The following CNKSR3 variants were observed in gnomAD, a reference collection of about 807,000 sequenced individuals.
CNKSR3 encodes CNKSR family member 3, also known as connector enhancer of kinase suppressor of ras 3.
In CNKSR3, 36 loss-of-function variants were observed where a neutral mutation model predicts 67.7. That is an observed-to-expected ratio of 0.53 (90% CI 0.41 to 0.70). The LOEUF (loss-of-function observed/expected upper bound fraction) is 0.70, where lower values mean the gene tolerates loss of function less well. CNKSR3 is among the 30% of genes least tolerant of loss of function. CNKSR3 has a pLI of 0.00. For missense variants in CNKSR3, 630 were observed against 695.2 expected, an observed-to-expected ratio of 0.91 and a Z score of 1.05; for synonymous variants, 281 against 271.4, an observed-to-expected ratio of 1.04 and a Z score of -0.35.
At chr6:154,470,331 A>G (rs1220630984) in intron 1 of CNKSR3, among the ~76,000 whole-genome samples, 1 of 150,784 alleles carries the variant, frequency 6.6e-6, no homozygotes, top group Non-Finnish European at 1.5e-5. Context: ...CCTCCCAAGT[A>G]GCTGGGACTA....
At position 154,414,263 on chromosome 6, in the gene CNKSR3, G is replaced by C. The variant is rs574503226; in HGVS notation, c.1070+36C>G. On this transcript the variant is annotated intron_variant, in intron 10 of 12. Transcript: ENST00000607772. Reference sequence around the variant, plus strand: ...CACCATTTACAAATGACACCAACAGGAGACAAGCATACCATGACAATGGAC... The same window carrying C: ...CACCATTTACAAATGACACCAACAGCAGACAAGCATACCATGACAATGGAC... 2.6e-6 allele frequency: 4 copies of C among 1,539,712 alleles called. No individual in the cohort carries two copies. The East Asian group carries it at 6.8e-5, about 26-fold the overall frequency.
At chr6:154,500,288 C>CAT (rs1554238867) in intron 1 of CNKSR3, among the ~76,000 whole-genome samples, 28 of 151,276 alleles carry the variant, frequency 1.9e-4, no homozygotes, top group African/African-American at 5.8e-4. Flanking sequence ...CACACACACA[C>CAT]ATCCACTCCC....
chr6:154,437,334 A>G (rs1785491377), intron 4 of CNKSR3, among the ~76,000 whole-genome samples: 1 of 151,316 alleles, frequency 6.6e-6, no homozygotes, highest in South Asian at 2.1e-4. Context: ...TCATTTATCA[A>G]GTTTGTAATT....
chr6:154,464,634 T>C (rs1786153902), intron 1 of CNKSR3, among the ~76,000 whole-genome samples: 1 of 151,114 alleles, frequency 6.6e-6, no homozygotes, highest in African/African-American at 2.4e-5. Flanking sequence ...GGGAATCGCT[T>C]GAACCCGAGA....
chr6:154,489,665 T>C (rs115154297), intron 1 of CNKSR3, among the ~76,000 whole-genome samples: 1,942 of 152,228 alleles, frequency 0.013, 43 homozygotes, highest in African/African-American at 0.041. Context: ...CTGGATTATA[T>C]TGTTTATCTT....
intron 2 of CNKSR3, among the ~76,000 whole-genome samples, chr6:154,444,889 A>C (rs939833083): frequency 1.3e-5 from 2 of 152,098 alleles, no homozygotes; most frequent in East Asian, 3.9e-4. Flanking sequence ...ACAGGCATGA[A>C]CCACTGCACC....
At chr6:154,504,657 G>C (rs1787062078) in intron 1 of CNKSR3, among the ~76,000 whole-genome samples, 1 of 148,794 alleles carries the variant, frequency 6.7e-6, no homozygotes, top group South Asian at 2.1e-4. Context: ...CTCTGCTTCA[G>C]TTTCTTTAAT....
At chr6:154,495,147 G>A (rs186030227) in intron 1 of CNKSR3, among the ~76,000 whole-genome samples, 63 of 152,274 alleles carry the variant, frequency 4.1e-4, no homozygotes, top group African/African-American at 1.4e-3. Flanking sequence ...CAGGCTGCAT[G>A]ATATTTGCAC....
intron 1 of CNKSR3, among the ~76,000 whole-genome samples, chr6:154,484,146 C>T (rs77958514): frequency 0.031 from 4,648 of 152,276 alleles, 218 homozygotes; most frequent in African/African-American, 0.096. Flanking sequence ...GACAAAATAA[C>T]TTATTCACAC....
chr6:154,407,895 A>AAAC (rs1554230757), intron 12 of CNKSR3, among the ~76,000 whole-genome samples: 1 of 147,560 alleles, frequency 6.8e-6, no homozygotes, highest in Non-Finnish European at 1.5e-5. Context: ...AAAAAAAAAA[A>AAAC]CCTAAATTTC....
chr6:154,411,184 T>C (rs1364125859), intron 10 of CNKSR3, 42 bp from the exon 11 acceptor site: 2 of 1,425,020 alleles, frequency 1.4e-6, no homozygotes, highest in African/African-American at 1.4e-5. Flanking sequence ...TTTACAAAGA[T>C]GTTCTCATAC....
chr6:154,476,049 G>A (rs1424277495), intron 1 of CNKSR3, among the ~76,000 whole-genome samples: 1 of 151,880 alleles, frequency 6.6e-6, no homozygotes, highest in Non-Finnish European at 1.5e-5. Flanking sequence ...GGATATGGAT[G>A]GTTCAGCGTT....
At chr6:154,492,531 A>G (rs990331857) in intron 1 of CNKSR3, among the ~76,000 whole-genome samples, 4 of 152,124 alleles carry the variant, frequency 2.6e-5, no homozygotes, top group Non-Finnish European at 5.9e-5. Context: ...TCACTTGATG[A>G]GGTCAGGAGT....
Position 154,387,811 on chromosome 6 carries a change from T to C in CNKSR3, c.*18543A>G, listed in dbSNP as rs1472665173. On this transcript the variant is annotated 3_prime_UTR_variant, in exon 13 of 13. Coordinates refer to ENST00000607772, the MANE Select transcript of CNKSR3 (RefSeq NM_173515.4). ...GTTCTATCATCAAATGTATTATGCA[T>C]TTATTTTTTATCATTTGAAATAATA... 6.6e-6 allele frequency: 1 copy of C among 152,220 alleles called. No homozygotes were observed. Among genetic ancestry groups the C allele is most frequent in the Non-Finnish European group, 1.5e-5 (1 of 68,042 alleles). The allele number at this position is 152,220 out of a possible 1,614,324, so 9.4% of individuals were successfully genotyped here. A position where few individuals can be genotyped will look rare whatever the true frequency, so the allele number is the denominator to read the frequency against.
chr6:154,422,453 C>A, intron 9 of CNKSR3, 53 bp downstream of exon 9: 1 of 1,544,318 alleles, frequency 6.5e-7, no homozygotes, highest in Non-Finnish European at 8.9e-7. Flanking sequence ...TGTTTGGAGA[C>A]TAATGAGATA....
In CNKSR3 at chr6:154,509,277, A is replaced by C. The variant is rs577057136; in HGVS notation, c.52+786T>G. Among the ~76,000 whole-genome samples the C allele has an allele frequency of 1.8e-4, 27 of 151,688 alleles. 1 individual carries two copies. In the East Asian group the frequency reaches 5.2e-3, roughly 29 times the overall value. ...AAGTAAGCGAGCCAGCTAGGAGGAC[A>C]AGCTTCTACCTCTGCTCATTCCCCC... On this transcript the variant is annotated intron_variant, in intron 1 of 12. Transcript: ENST00000607772.
intron 1 of CNKSR3, among the ~76,000 whole-genome samples, chr6:154,454,690 T>G (rs2128719879): frequency 6.6e-6 from 1 of 151,748 alleles, no homozygotes; most frequent in Admixed American, 6.6e-5. Context: ...CCCAACTAAT[T>G]TTTCATTTTT....
At position 154,401,200 on chromosome 6, in the gene CNKSR3, A is replaced by G. The variant is rs1181079722; in HGVS notation, c.*5154T>C. On this transcript the variant is annotated 3_prime_UTR_variant, in exon 13 of 13. Transcript: ENST00000607772. ...GCATGTTTATGTCCTCCCAAAATTC[A>G]TCTGTTGAAACCCTAATCTCCAAAG... is the stretch of plus-strand genomic sequence containing the variant. The G allele has an allele frequency of 6.6e-6, 1 of 152,208 alleles. No individual in the cohort carries two copies. Among genetic ancestry groups the G allele is most frequent in the Non-Finnish European group, 1.5e-5 (1 of 68,030 alleles). The allele number at this position is 152,208 out of a possible 1,614,324, so 9.4% of individuals were successfully genotyped here. A position where few individuals can be genotyped will look rare whatever the true frequency, so the allele number is the denominator to read the frequency against.
At position 154,442,199 on chromosome 6, in the gene CNKSR3, C is replaced by T. The variant is rs752211665; in HGVS notation, c.308G>A (p.Arg103Gln). ...GTTGCCATCGTAAGCGGGACTTTTC[C>T]GTCGGCTACTTATGTAATTCTGTAA... ...HNLQNYISSR[R>Q]KSPAYDGNTS... Residue 103 changes from arginine (R) to glutamine (Q), a missense_variant, in exon 3 of 13, where the codon CGG becomes CAG. Around this residue, in one of 3 missense-constraint regions of CNKSR3, gnomAD observed 189 missense variants for 205.0 expected, o/e 0.92. Transcript: ENST00000607772. 2.2e-5 allele frequency: 35 copies of T among 1,613,972 alleles called. No individual in the cohort carries two copies. In the South Asian group the frequency reaches 2.3e-4, roughly 11 times the overall value.
Sources: allele counts gnomAD v4.1 joint callset (sites outside exome capture counted in the v4.1 genomes callset), GRCh38; gene constraint gnomAD v4.1.1; regional missense constraint gnomAD v4.1.1; transcripts MANE v1.5; gene names NCBI Gene and HGNC (gene_info 2026-07-23, HGNC 2026-07-21).